Variants in CSGALNACT1 observed in about 807,000 individuals in gnomAD.
The protein encoded by CSGALNACT1 is chondroitin sulfate N-acetylgalactosaminyltransferase 1.
Under a neutral mutation model 51.0 loss-of-function variants are expected in CSGALNACT1, and 52 were observed. That is an observed-to-expected ratio of 1.02 (90% confidence interval 0.82 to 1.29). CSGALNACT1 has a LOEUF of 1.29. CSGALNACT1 is among the 50% of genes most tolerant of loss of function. The pLI, the probability that CSGALNACT1 is intolerant of heterozygous loss-of-function variation, is 0.00. For synonymous variants in CSGALNACT1, 341 were observed against 254.4 expected, an observed-to-expected ratio of 1.34 and a Z score of -3.24; for missense variants, 935 against 679.2, an observed-to-expected ratio of 1.38 and a Z score of -4.19.
At chr8:19,468,955 G>A (rs1345821268) in intron 4 of CSGALNACT1, among the ~76,000 whole-genome samples, 1 of 152,184 alleles carries the variant, frequency 6.6e-6, no homozygotes, top group Non-Finnish European at 1.5e-5. Flanking sequence ...GTGCATGGAT[G>A]TGCAAGGGTC....
intron 1 of CSGALNACT1, among the ~76,000 whole-genome samples, chr8:19,650,070 G>C (rs1323700118): frequency 1.3e-5 from 2 of 152,118 alleles, no homozygotes; most frequent in Non-Finnish European, 2.9e-5. Flanking sequence ...TGTGTATGAT[G>C]AGCATCACCA....
intron 1 of CSGALNACT1, among the ~76,000 whole-genome samples, chr8:19,746,904 C>T (rs1215430707): frequency 1.3e-5 from 2 of 152,184 alleles, no homozygotes; most frequent in African/African-American, 4.8e-5. Context: ...GGTGGTTTCA[C>T]ACACTGGCAT....
chr8:19,529,136 G>GT (rs1025577691), intron 3 of CSGALNACT1, among the ~76,000 whole-genome samples: 7 of 152,302 alleles, frequency 4.6e-5, no homozygotes, highest in Non-Finnish European at 1.0e-4. Flanking sequence ...ACAAAGCTCG[G>GT]TGAGTTGAGC....
chr8:19,735,782 T>C (rs2063935866), intron 1 of CSGALNACT1, among the ~76,000 whole-genome samples: 1 of 152,148 alleles, frequency 6.6e-6, no homozygotes, highest in African/African-American at 2.4e-5. Flanking sequence ...ACATTCTATC[T>C]CCATGGAAGA....
At chr8:19,492,749 A>C (rs1218541581) in intron 4 of CSGALNACT1, among the ~76,000 whole-genome samples, 1 of 152,228 alleles carries the variant, frequency 6.6e-6, no homozygotes, top group Non-Finnish European at 1.5e-5. Flanking sequence ...TTAGGCTTGA[A>C]TGTTTAGCCT....
chr8:19,454,881 T>C (rs1057395625), intron 5 of CSGALNACT1, among the ~76,000 whole-genome samples: 15 of 152,254 alleles, frequency 9.9e-5, no homozygotes, highest in African/African-American at 3.6e-4. Flanking sequence ...TCTCTCACAG[T>C]GAAGACACAT....
intron 1 of CSGALNACT1, among the ~76,000 whole-genome samples, chr8:19,662,196 C>A (rs1306953319): frequency 1.3e-5 from 2 of 150,712 alleles, no homozygotes; most frequent in East Asian, 3.9e-4. Flanking sequence ...GGCAGGTGAT[C>A]AACATGGTGA....
At chr8:19,715,180 C>T (rs982081747) in intron 1 of CSGALNACT1, among the ~76,000 whole-genome samples, 1 of 152,156 alleles carries the variant, frequency 6.6e-6, no homozygotes, top group African/African-American at 2.4e-5. Context: ...ACCATCAGAT[C>T]TCGTGAGACT....
chr8:19,405,304 G>A (rs2053930120), exon 10 of CSGALNACT1: 2 of 454,034 alleles, frequency 4.4e-6, no homozygotes, highest in African/African-American at 4.0e-5. Context: ...GTACTCACTA[G>A]TATCATAATA....
At chr8:19,553,839 A>G (rs1036199731) in intron 3 of CSGALNACT1, among the ~76,000 whole-genome samples, 10 of 151,726 alleles carry the variant, frequency 6.6e-5, no homozygotes, top group African/African-American at 2.4e-4. Context: ...AAAACATTGC[A>G]TTGACAAAAT....
At chr8:19,652,403 G>A (rs912504599) in intron 1 of CSGALNACT1, among the ~76,000 whole-genome samples, 6 of 152,148 alleles carry the variant, frequency 3.9e-5, no homozygotes, top group African/African-American at 7.2e-5. Context: ...CATGGACCAT[G>A]ACCATGGATG....
chr8:19,755,082 T>C lies in CSGALNACT1; in HGVS notation c.-297+2768A>G, dbSNP rs190788796. Among the ~76,000 whole-genome samples the C allele has an allele frequency of 3.0e-3, 451 of 152,354 alleles. 3 individuals are homozygous for C. Among genetic ancestry groups the C allele is most frequent in the African/African-American group, 0.011 (437 of 41,574 alleles). ...AAATATTTATTTAGTCCTTATGCCC[T>C]GCCAGGCACTGTGTTAGACATGGAG... On this transcript the variant is annotated intron_variant, in intron 1 of 1. Transcript: ENST00000517494.
intron 3 of CSGALNACT1, among the ~76,000 whole-genome samples, chr8:19,560,896 C>T (rs1431452930): frequency 6.6e-6 from 1 of 152,124 alleles, no homozygotes; most frequent in Non-Finnish European, 1.5e-5. Context: ...TGTTAACAAC[C>T]CTAAGGTGGA....
intron 4 of CSGALNACT1, among the ~76,000 whole-genome samples, chr8:19,494,630 A>C (rs1488591885): frequency 6.6e-6 from 1 of 152,194 alleles, no homozygotes; most frequent in African/African-American, 2.4e-5. Context: ...CACAAATCTC[A>C]TTCTGTCCCA....
chr8:19,442,716 T>TAAAA (rs33995376), intron 5 of CSGALNACT1, among the ~76,000 whole-genome samples: 4 of 143,234 alleles, frequency 2.8e-5, no homozygotes, highest in African/African-American at 1.1e-4. Flanking sequence ...ACTTAAAGTA[T>TAAAA]AAAAAAAAAA....
chr8:19,753,515 G>C (rs1012397607), intron 1 of CSGALNACT1, among the ~76,000 whole-genome samples: 1 of 152,150 alleles, frequency 6.6e-6, no homozygotes, highest in African/African-American at 2.4e-5. Context: ...TCTGTTGCTA[G>C]TTTTTGTTGT....
chr8:19,663,741 A>G (rs1054491791), intron 1 of CSGALNACT1, among the ~76,000 whole-genome samples: 1 of 152,256 alleles, frequency 6.6e-6, no homozygotes. Context: ...ACGCAATACT[A>G]CATTTCTATT....
intron 1 of CSGALNACT1, among the ~76,000 whole-genome samples, chr8:19,654,787 C>G (rs2058113498): frequency 6.6e-6 from 1 of 152,140 alleles, no homozygotes; most frequent in Non-Finnish European, 1.5e-5. Flanking sequence ...TCAAGCAATC[C>G]TCCCGGCCTT....
chr8:19,602,524 C>G (rs1024352521), upstream of CSGALNACT1: 2 of 152,398 alleles, frequency 1.3e-5, no homozygotes, highest in East Asian at 3.9e-4. Flanking sequence ...GCGCCTGGAG[C>G]CTCCCGCTCC....
Sources: allele counts gnomAD v4.1 joint callset (sites outside exome capture counted in the v4.1 genomes callset), GRCh38; gene constraint gnomAD v4.1.1; transcripts MANE v1.5; gene names NCBI Gene and HGNC (gene_info 2026-07-23, HGNC 2026-07-21).